Variants in KIRREL1 observed in about 807,000 individuals in gnomAD.
KIRREL1 encodes the protein kirre like nephrin family adhesion molecule 1, also known as kin of IRRE-like protein 1.
In KIRREL1, 25 loss-of-function variants were observed where a neutral mutation model predicts 83.3. That is an observed-to-expected ratio of 0.30 (90% confidence interval 0.22 to 0.42). KIRREL1 has a LOEUF of 0.42. Among genes scored for constraint, KIRREL1 ranks in the 10% least tolerant of loss-of-function variants. KIRREL1 has a pLI of 1.00. For synonymous variants in KIRREL1, 388 were observed against 410.4 expected, an observed-to-expected ratio of 0.95 and a Z score of 0.66; for missense variants, 812 against 1,032.3, an observed-to-expected ratio of 0.79 and a Z score of 2.92.
chr1:158,020,588 C>A (rs1659976620), intron 1 of KIRREL1, among the ~76,000 whole-genome samples: 1 of 55,612 alleles, frequency 1.8e-5, no homozygotes, highest in Non-Finnish European at 3.4e-5. Context: ...GAATGACTGC[C>A]ATACAGTAAA....
rs1662091906 is a variant in KIRREL1 at position 158,088,526 on chromosome 1, C to T, written c.1044+72C>T. On this transcript the variant is annotated intron_variant, in intron 8 of 14. Transcript: ENST00000359209. ...TTGAGACGGAGTCTCGCTCTGTCGCCCAGGCTGGAGTGCAGTGGCGCGATC... is the reference window on the plus strand; with the variant it reads ...TTGAGACGGAGTCTCGCTCTGTCGCTCAGGCTGGAGTGCAGTGGCGCGATC... 3.7e-6 allele frequency: 5 copies of T among 1,349,426 alleles called. No individual in the cohort carries two copies. In the East Asian group the frequency reaches 1.0e-4, roughly 28 times the overall value. The allele number at this position is 1,349,426 out of a possible 1,614,324, so 83.6% of individuals were successfully genotyped here.
In KIRREL1 at chr1:158,088,342, T is replaced by G. The variant is rs773306297; in HGVS notation, c.932T>G (p.Val311Gly). 1 of 1,613,410 alleles carries G rather than the reference T, an allele frequency of 6.2e-7. No homozygotes were observed. Among genetic ancestry groups the G allele is most frequent in the Non-Finnish European group, 8.5e-7 (1 of 1,179,724 alleles). Residue 311 changes from valine to glycine, a missense_variant, in exon 8 of 15, where the codon GTA becomes GGA. This residue lies in a region of KIRREL1 where 472 missense variants were observed against 626.8 expected (regional missense o/e 0.75). Coordinates refer to ENST00000359209, the MANE Select transcript of KIRREL1 (RefSeq NM_018240.7). ...TCCCTCACAGTTGCTCCCCGGATTG[T>G]AGTTGACCCCAAACCCACAACCACA... is the stretch of plus-strand genomic sequence containing the variant. ...LVNVHFAPRI[V>G]VDPKPTTTDI...
In KIRREL1 at chr1:158,040,964, G is replaced by T. The variant is rs543166542; in HGVS notation, c.53-35149G>T. Among the ~76,000 whole-genome samples the T allele has an allele frequency of 1.1e-4, 17 of 152,280 alleles. No individual in the cohort carries two copies. In the East Asian group the frequency reaches 3.1e-3, roughly 28 times the overall value. On this transcript the variant is annotated intron_variant, in intron 1 of 14. Coordinates refer to ENST00000359209, the MANE Select transcript of KIRREL1 (RefSeq NM_018240.7). ...TGTTTTAGGATAACTCTAGGGGTAG[G>T]GGGAGCTGGGCATGTGTGGAAGTAG... is the stretch of plus-strand genomic sequence containing the variant.
intron 3 of KIRREL1, among the ~76,000 whole-genome samples, chr1:158,082,539 A>G (rs1661892495): frequency 6.6e-6 from 1 of 152,216 alleles, no homozygotes; most frequent in Non-Finnish European, 1.5e-5. Context: ...AAATTCTAGA[A>G]CAGCCCTGTC....
chr1:158,003,399 G>T (rs888777116), intron 1 of KIRREL1, among the ~76,000 whole-genome samples: 1 of 152,102 alleles, frequency 6.6e-6, no homozygotes, highest in African/African-American at 2.4e-5. Context: ...ACATTTCATC[G>T]AGACAGTGGG....
intron 1 of KIRREL1, among the ~76,000 whole-genome samples, chr1:158,003,695 C>T (rs1167943835): frequency 6.6e-6 from 1 of 152,116 alleles, no homozygotes; most frequent in African/African-American, 2.4e-5. Context: ...ACACAGCACA[C>T]ATCTGGGAAG....
At chr1:158,006,679 C>T (rs1424065962) in intron 1 of KIRREL1, among the ~76,000 whole-genome samples, 2 of 152,200 alleles carry the variant, frequency 1.3e-5, no homozygotes, top group Non-Finnish European at 2.9e-5. Flanking sequence ...TCTAGTGTCC[C>T]CTTCTCAGCC....
chr1:158,075,811 A>T (rs1044056356), intron 1 of KIRREL1, among the ~76,000 whole-genome samples: 1 of 152,210 alleles, frequency 6.6e-6, no homozygotes, highest in African/African-American at 2.4e-5. Flanking sequence ...CTCCTCTGTA[A>T]AATGAGAGGG....
intron 1 of KIRREL1, among the ~76,000 whole-genome samples, chr1:158,037,135 G>C (rs1660497492): frequency 6.6e-6 from 1 of 152,222 alleles, no homozygotes; most frequent in African/African-American, 2.4e-5. Flanking sequence ...CTGGGTTCTA[G>C]TCCCACTGCT....
intron 1 of KIRREL1, among the ~76,000 whole-genome samples, chr1:158,069,865 G>A (rs112794465): frequency 2.0e-5 from 3 of 152,352 alleles, no homozygotes; most frequent in African/African-American, 7.2e-5. Flanking sequence ...AAAAGTGGCA[G>A]TGGATTAGTG....
intron 1 of KIRREL1, among the ~76,000 whole-genome samples, chr1:158,050,219 C>T (rs950717240): frequency 2.0e-5 from 3 of 152,044 alleles, no homozygotes; most frequent in Admixed American, 6.5e-5. Flanking sequence ...TGCCTCACCC[C>T]GACAGCCTCC....
chr1:158,010,326 AACACAC>A (rs56353855), intron 1 of KIRREL1, among the ~76,000 whole-genome samples: 361 of 72,220 alleles, frequency 5.0e-3, no homozygotes, highest in Non-Finnish European at 8.2e-3. Context: ...CCCCACCATA[AACACAC>A]ACACACACAC....
chr1:158,073,309 C>A (rs1661571992), intron 1 of KIRREL1, among the ~76,000 whole-genome samples: 1 of 152,194 alleles, frequency 6.6e-6, no homozygotes, highest in African/African-American at 2.4e-5. Context: ...GAGGAAACTT[C>A]AAAACTGCCA....
At chr1:158,038,606 G>A (rs1660539625) in intron 1 of KIRREL1, among the ~76,000 whole-genome samples, 10 of 149,490 alleles carry the variant, frequency 6.7e-5, no homozygotes, top group Admixed American at 6.1e-4. Context: ...GATTACAGAC[G>A]TGATCTACTG....
intron 1 of KIRREL1, among the ~76,000 whole-genome samples, chr1:158,026,002 G>T (rs1416089380): frequency 6.6e-6 from 1 of 152,082 alleles, no homozygotes; most frequent in Non-Finnish European, 1.5e-5. Flanking sequence ...CCCCTGCCCT[G>T]GTTCCTGCAG....
intron 1 of KIRREL1, among the ~76,000 whole-genome samples, chr1:158,013,570 A>G (rs1459093656): frequency 6.6e-6 from 1 of 152,250 alleles, no homozygotes; most frequent in Non-Finnish European, 1.5e-5. Context: ...CGTAGAGTAC[A>G]GTTTGAAAAT....
chr1:158,087,628 C>T (rs1662053506), intron 5 of KIRREL1, 127 bp from the exon 6 acceptor site: 4 of 641,432 alleles, frequency 6.2e-6, no homozygotes, highest in South Asian at 2.1e-5. Context: ...TAACTGGAGC[C>T]GATACACTGC....
chr1:158,079,313 G>A (rs574663105), intron 3 of KIRREL1, among the ~76,000 whole-genome samples: 1 of 152,194 alleles, frequency 6.6e-6, no homozygotes, highest in African/African-American at 2.4e-5. Flanking sequence ...TGTTTGTTTG[G>A]TTGGTTGGTT....
At chr1:158,046,763 G>T (rs114626782) in intron 1 of KIRREL1, among the ~76,000 whole-genome samples, 1 of 152,182 alleles carries the variant, frequency 6.6e-6, no homozygotes. Flanking sequence ...ATGAGGGCCA[G>T]TGTTGGATTT....
Sources: gnomAD v4.1 joint callset for allele counts (sites outside exome capture counted in the v4.1 genomes callset) on GRCh38, gnomAD v4.1.1 for gene constraint, gnomAD v4.1.1 regional missense constraint, MANE v1.5 for transcripts, NCBI Gene and HGNC (gene_info 2026-07-23, HGNC 2026-07-21) for gene names.